The following ANKFN1 variants were observed in gnomAD, a reference collection of about 807,000 sequenced individuals.
ANKFN1 encodes ankyrin repeat and fibronectin type III domain containing 1, also known as ankyrin repeat and fibronectin type-III domain-containing protein 1.
A neutral mutation model predicts 108.7 loss-of-function variants in ANKFN1; 74 were observed. That is an observed-to-expected ratio of 0.68 (90% CI 0.56 to 0.83). The LOEUF is 0.83. Ranked by LOEUF, ANKFN1 falls within the 40% of genes least tolerant of loss-of-function variation. ANKFN1 has a pLI of 0.00. For missense variants in ANKFN1, 1,505 were observed against 1,382.3 expected (o/e 1.09, Z -1.41); for synonymous variants, 547 against 516.2 (o/e 1.06, Z -0.81).
At chr17:56,136,518 A>G (rs1598126353) in intron 4 of ANKFN1, among the ~76,000 whole-genome samples, 2 of 152,356 alleles carry the variant, frequency 1.3e-5, no homozygotes, top group South Asian at 2.1e-4. Flanking sequence ...GCCCTGATCA[A>G]CAGAGTGGAA....
At chr17:56,486,810 A>G (rs1443657191) in intron 18 of ANKFN1, among the ~76,000 whole-genome samples, 7 of 152,234 alleles carry the variant, frequency 4.6e-5, no homozygotes, top group Admixed American at 4.6e-4. Context: ...AATTATGGGA[A>G]TATGTAAATT....
At chr17:56,180,387 C>T (rs1003197564) in intron 1 of ANKFN1, among the ~76,000 whole-genome samples, 3 of 152,154 alleles carry the variant, frequency 2.0e-5, no homozygotes, top group African/African-American at 7.2e-5. Context: ...CCCATTCTTA[C>T]CTCCTCACAT....
At chr17:56,221,281 G>A (rs770728735) in intron 2 of ANKFN1, among the ~76,000 whole-genome samples, 1 of 150,936 alleles carries the variant, frequency 6.6e-6, no homozygotes, top group Non-Finnish European at 1.5e-5. Context: ...CTGCAACACT[G>A]GAGATTACAT....
intron 3 of ANKFN1, 29 bp from the exon 4 acceptor site, chr17:56,326,192 A>G (rs1252030330): frequency 5.0e-6 from 8 of 1,597,580 alleles, no homozygotes; most frequent in Non-Finnish European, 6.8e-6. Flanking sequence ...GCCTGTAGTG[A>G]TCCTGTTCGC....
At chr17:56,266,008 G>A (rs2043640505) in intron 3 of ANKFN1, among the ~76,000 whole-genome samples, 1 of 152,168 alleles carries the variant, frequency 6.6e-6, no homozygotes, top group African/African-American at 2.4e-5. Context: ...GTCTCTGGAA[G>A]AGTATCTAGC....
Position 56,210,878 on chromosome 17 carries a change from T to G in ANKFN1, c.-70-1720T>G, listed in dbSNP as rs532687378. On this transcript the variant is annotated intron_variant, in intron 1 of 20. Transcript: ENST00000682825. ...AACAGCATGGGGGAAACCGCCCCCT[T>G]GATTCAATTACCTCCCATCGGGTCC... Among the ~76,000 whole-genome samples the G allele has an allele frequency of 1.4e-3, 209 of 152,270 alleles. 1 individual carries two copies. Among genetic ancestry groups the G allele is most frequent in the African/African-American group, 4.8e-3 (199 of 41,580 alleles).
intron 8 of ANKFN1, among the ~76,000 whole-genome samples, chr17:56,435,810 G>A (rs552491438): frequency 6.6e-6 from 1 of 151,058 alleles, no homozygotes; most frequent in South Asian, 2.1e-4. Flanking sequence ...TTATCTTTAT[G>A]CCTTTACATT....
chr17:56,340,731 T>C (rs1169705712), intron 4 of ANKFN1, among the ~76,000 whole-genome samples: 1 of 152,172 alleles, frequency 6.6e-6, no homozygotes, highest in African/African-American at 2.4e-5. Flanking sequence ...CAAAGTTGGG[T>C]AGCATGCTGC....
chr17:56,276,291 GC>G (rs1302087200), intron 3 of ANKFN1, among the ~76,000 whole-genome samples: 2 of 152,140 alleles, frequency 1.3e-5, no homozygotes, highest in East Asian at 3.9e-4. Flanking sequence ...CCAAGTCTTT[GC>G]TATTGTGAAT....
Position 56,510,649 on chromosome 17 carries a change from C to T in ANKFN1, c.2821C>T (p.Gln941Ter). The change falls in exon 21 of 21, where the codon CAA (glutamine) becomes TAA (stop). Residue 941 changes from glutamine (Q) to a stop codon, truncating the protein, a stop_gained. Coordinates refer to ENST00000682825, the MANE Select transcript of ANKFN1 (RefSeq NM_001370326.1). LOFTEE classifies it low-confidence loss of function (END_TRUNC). ...GLSGSAPDVLQVHDVKTPLGP... is the reference protein window; with the variant it reads ...GLSGSAPDVL ...AAGCGGCAGCGCCCCCGACGTCCTG[C>T]AAGTGCACGACGTGAAAACCCCTCT... 1 of 1,536,184 alleles carries T rather than the reference C, an allele frequency of 6.5e-7. No homozygotes were observed. The highest frequency in any genetic ancestry group is 2.4e-5 in the East Asian group (1 of 40,908).
chr17:56,502,590 A>G (rs181872407), intron 20 of ANKFN1, among the ~76,000 whole-genome samples: 2 of 152,340 alleles, frequency 1.3e-5, no homozygotes, highest in East Asian at 3.9e-4. Flanking sequence ...AAGCAGAAGC[A>G]TTTCAGAGCA....
upstream of ANKFN1, among the ~76,000 whole-genome samples, chr17:56,151,965 A>G (rs1030277284): frequency 6.9e-6 from 1 of 145,720 alleles, no homozygotes; most frequent in African/African-American, 2.6e-5. Context: ...TTCCTATGTA[A>G]CAAGCGTTTT....
intron 3 of ANKFN1, among the ~76,000 whole-genome samples, chr17:56,247,564 T>C (rs897398802): frequency 9.9e-5 from 15 of 152,102 alleles, no homozygotes; most frequent in Admixed American, 3.9e-4. Context: ...ATACCAGTGA[T>C]TTTTCCTAAT....
chr17:56,442,317 A>G (rs1347187504), intron 9 of ANKFN1, among the ~76,000 whole-genome samples: 2 of 152,256 alleles, frequency 1.3e-5, no homozygotes, highest in Non-Finnish European at 2.9e-5. Context: ...ATATTTGCTC[A>G]CAGTGAAATG....
intron 4 of ANKFN1, among the ~76,000 whole-genome samples, chr17:56,331,012 C>G (rs539276425): frequency 6.6e-6 from 1 of 152,222 alleles, no homozygotes; most frequent in African/African-American, 2.4e-5. Context: ...CTTTAGCACT[C>G]AAAGACACAC....
intron 6 of ANKFN1, among the ~76,000 whole-genome samples, chr17:56,368,698 CTTG>C (rs1034688741): frequency 2.6e-5 from 4 of 151,934 alleles, no homozygotes; most frequent in African/African-American, 7.3e-5. Flanking sequence ...GGTTTTGACA[CTTG>C]TTGTCCAGTT....
chr17:56,197,798 C>A (rs1913658825), intron 1 of ANKFN1, among the ~76,000 whole-genome samples: 1 of 152,216 alleles, frequency 6.6e-6, no homozygotes, highest in Admixed American at 6.5e-5. Context: ...AGTCCCCAAC[C>A]TTTCTTGCAC....
chr17:56,137,865 A>G (rs1907686180), intron 4 of ANKFN1, among the ~76,000 whole-genome samples: 2 of 152,200 alleles, frequency 1.3e-5, no homozygotes, highest in Admixed American at 1.3e-4. Context: ...CATTTACCAG[A>G]AGTCTGATTC....
chr17:56,218,066 C>T (rs180953503), intron 2 of ANKFN1, among the ~76,000 whole-genome samples: 2 of 152,272 alleles, frequency 1.3e-5, no homozygotes, highest in African/African-American at 4.8e-5. Flanking sequence ...AATCTTCTCT[C>T]ATATTGCTCA....
Sources: allele counts gnomAD v4.1 joint callset (sites outside exome capture counted in the v4.1 genomes callset), GRCh38; gene constraint gnomAD v4.1.1; transcripts MANE v1.5; gene names NCBI Gene and HGNC (gene_info 2026-07-23, HGNC 2026-07-21).